Variants in RP1 observed in about 807,000 individuals in gnomAD.
RP1 encodes the protein RP1 axonemal microtubule associated.
A neutral mutation model predicts 14.8 loss-of-function variants in RP1; 16 were observed. The ratio of observed to expected loss-of-function variants is 1.08; its 90% CI spans 0.73 to 1.65. The LOEUF is 1.65. Ranked by LOEUF, RP1 falls within the 40% of genes most tolerant of loss-of-function variation. RP1 has a pLI of 0.00. For synonymous variants in RP1, 876 were observed against 883.6 expected (o/e 0.99, Z 0.15); for missense variants, 2,631 against 2,535.0 (o/e 1.04, Z -0.81).
chr8:54,734,839 A>G lies in RP1; in HGVS notation c.2721+95A>G, dbSNP rs1585646485. ...GTGTGTGTGTGTGTGTGTCTCCTATATAAAATGAACCTCTGGTCTTTTAGA... is the reference window on the plus strand; with the variant it reads ...GTGTGTGTGTGTGTGTGTCTCCTATGTAAAATGAACCTCTGGTCTTTTAGA... On this transcript the variant is annotated intron_variant, in intron 18 of 22. Transcript: ENST00000636932. 3.0e-6 allele frequency: 3 copies of G among 1,013,096 alleles called. No homozygotes were observed. In the African/African-American group the frequency reaches 4.9e-5, roughly 16 times the overall value. 62.8% of individuals were successfully genotyped at this position (1,013,096 alleles called of 1,614,324 possible).
chr8:54,747,531 A>T (rs1255932082), intron 19 of RP1, among the ~76,000 whole-genome samples: 1 of 152,242 alleles, frequency 6.6e-6, no homozygotes, highest in Non-Finnish European at 1.5e-5. Context: ...ATTGCCTGTC[A>T]TGTAGTAGAT....
intron 24 of RP1, among the ~76,000 whole-genome samples, chr8:54,825,106 A>T (rs1811356717): frequency 6.6e-6 from 1 of 152,028 alleles, no homozygotes; most frequent in South Asian, 2.1e-4. Flanking sequence ...AGTAGCTGGG[A>T]CTACAGGCGC....
intron 12 of RP1, among the ~76,000 whole-genome samples, chr8:54,690,923 A>G (rs1807695071): frequency 1.3e-5 from 2 of 152,042 alleles, no homozygotes. Context: ...TCATGTTAAA[A>G]GCAGTCTGCT....
chr8:54,625,458 A>G lies in RP1; in HGVS notation c.1576A>G (p.Met526Val). ...VLVQINNNDQ[M>V]EESSLERKKE... ...TGTTCAGATCAATAACAATGATCAA[A>G]TGGAGGAGTCATCATTAGAAAGAAA... Residue 526 changes from methionine to valine, a missense_variant, in exon 4 of 4, where the codon ATG becomes GTG. By Grantham distance (21) the Met-to-Val change is conservative. Transcript: ENST00000220676. The G allele has an allele frequency of 6.2e-7, 1 of 1,614,022 alleles. No individual in the cohort carries two copies. Among genetic ancestry groups the G allele is most frequent in the African/African-American group, 1.3e-5 (1 of 75,064 alleles).
chr8:54,779,342 A>C (rs1265146125), intron 23 of RP1, among the ~76,000 whole-genome samples: 1 of 152,170 alleles, frequency 6.6e-6, no homozygotes, highest in East Asian at 1.9e-4. Context: ...ATTGAATTGC[A>C]GTCACTTAGG....
At chr8:54,649,017 G>A (rs1348708144) in exon 4 of RP1, 1 of 1,522,572 alleles carries the variant, frequency 6.6e-7, no homozygotes, top group Non-Finnish European at 8.7e-7. Context: ...AATCACCAGT[G>A]ACTTGCCAGA....
chr8:54,576,451 G>T (rs1271669274), intron 1 of RP1, among the ~76,000 whole-genome samples: 2 of 152,194 alleles, frequency 1.3e-5, no homozygotes, highest in African/African-American at 4.8e-5. Flanking sequence ...TTCTACTCTT[G>T]CATTACTTAC....
downstream of RP1, among the ~76,000 whole-genome samples, chr8:54,631,162 G>A (rs748329521): frequency 2.2e-4 from 34 of 152,116 alleles, no homozygotes; most frequent in Admixed American, 3.3e-4. Context: ...GGAACAAAAG[G>A]TAATTAAATT....
intron 22 of RP1, among the ~76,000 whole-genome samples, chr8:54,760,502 G>C (rs1809613197): frequency 6.6e-6 from 1 of 151,964 alleles, no homozygotes; most frequent in Admixed American, 6.6e-5. Flanking sequence ...AAAAAATATG[G>C]GGGAAAATAA....
At chr8:54,757,283 C>A (rs963906836) in intron 21 of RP1, among the ~76,000 whole-genome samples, 1 of 152,150 alleles carries the variant, frequency 6.6e-6, no homozygotes, top group Non-Finnish European at 1.5e-5. Flanking sequence ...TAAAACATAG[C>A]AATATATGTA....
At chr8:54,749,192 G>C (rs965315095) in intron 19 of RP1, among the ~76,000 whole-genome samples, 1 of 152,004 alleles carries the variant, frequency 6.6e-6, no homozygotes, top group Non-Finnish European at 1.5e-5. Flanking sequence ...TTAGCCAGGC[G>C]TGGTGATGGG....
chr8:54,670,508 C>T (rs1010098862), intron 7 of RP1, among the ~76,000 whole-genome samples: 7 of 44,130 alleles, frequency 1.6e-4, no homozygotes, highest in African/African-American at 4.3e-4. Context: ...TATATATACA[C>T]ATATATATGT....
intron 19 of RP1, among the ~76,000 whole-genome samples, chr8:54,751,195 A>G (rs939076057): frequency 3.3e-5 from 5 of 152,194 alleles, no homozygotes; most frequent in Non-Finnish European, 7.3e-5. Flanking sequence ...ATAACTTCCT[A>G]TGGCTAATCA....
chr8:54,806,877 G>A (rs1322233672), intron 24 of RP1, among the ~76,000 whole-genome samples: 1 of 152,144 alleles, frequency 6.6e-6, no homozygotes, highest in African/African-American at 2.4e-5. Flanking sequence ...GTTACCAAAT[G>A]CTAACTATGT....
At chr8:54,680,343 G>T (rs1177865254) in intron 12 of RP1, among the ~76,000 whole-genome samples, 1 of 152,054 alleles carries the variant, frequency 6.6e-6, no homozygotes. Context: ...GAAAAACAAG[G>T]CAAGGAAAAA....
intron 22 of RP1, among the ~76,000 whole-genome samples, chr8:54,768,788 C>G (rs1809828521): frequency 6.6e-6 from 1 of 152,146 alleles, no homozygotes. Flanking sequence ...GAGCTTCTAA[C>G]ACTAAAGTTT....
intron 1 of RP1, among the ~76,000 whole-genome samples, chr8:54,588,105 T>A (rs903605935): frequency 3.9e-5 from 6 of 152,226 alleles, no homozygotes; most frequent in Admixed American, 6.5e-5. Flanking sequence ...AACTTGTGAC[T>A]TTATGCTGTG....
At chr8:54,760,403 A>G (rs987210011) in intron 22 of RP1, among the ~76,000 whole-genome samples, 3 of 152,088 alleles carry the variant, frequency 2.0e-5, no homozygotes, top group African/African-American at 7.2e-5. Flanking sequence ...TTCTGACTTT[A>G]TCTTTTCTTC....
At chr8:54,850,096 TA>T (rs1812024915) in intron 25 of RP1, among the ~76,000 whole-genome samples, 1 of 152,178 alleles carries the variant, frequency 6.6e-6, no homozygotes, top group Admixed American at 6.5e-5. Flanking sequence ...AAAGAAATTT[TA>T]AAAATTTGGC....
Sources: allele counts gnomAD v4.1 joint callset (sites outside exome capture counted in the v4.1 genomes callset), GRCh38; gene constraint gnomAD v4.1.1; transcripts MANE v1.5; gene names NCBI Gene and HGNC (gene_info 2026-07-23, HGNC 2026-07-21).